MTMR3: variants seen among roughly 807,000 people sequenced by gnomAD.
MTMR3 encodes the protein phosphatidylinositol-3,5-bisphosphate 3-phosphatase MTMR3.
MTMR3 carries 32 observed loss-of-function variants against 132.4 expected under a neutral mutation model. The observed-to-expected ratio is 0.24, with a 90% CI of 0.18 to 0.32. The LOEUF (loss-of-function observed/expected upper bound fraction) is 0.32. MTMR3 is among the 10% of genes least tolerant of loss of function. The pLI, the probability that MTMR3 is intolerant of heterozygous loss-of-function variation, is 1.00. For missense variants in MTMR3, 1,216 were observed against 1,489.6 expected, an observed-to-expected ratio of 0.82 and a Z score of 3.02; for synonymous variants, 556 against 550.3, an observed-to-expected ratio of 1.01 and a Z score of -0.14.
intron 12 of MTMR3, chr22:30,010,955 G>A (rs1333457318): frequency 1.3e-5 from 2 of 152,202 alleles, no homozygotes; most frequent in Non-Finnish European, 2.9e-5. Flanking sequence ...TGGGGGTACA[G>A]TTATGACTGA....
intron 1 of MTMR3, among the ~76,000 whole-genome samples, chr22:29,914,324 T>C (rs2065269395): frequency 6.6e-6 from 1 of 152,220 alleles, no homozygotes; most frequent in Admixed American, 6.5e-5. Flanking sequence ...TACATCATCA[T>C]GGTTTTAGTT....
At chr22:29,928,410 G>C (rs544280294) in intron 1 of MTMR3, among the ~76,000 whole-genome samples, 3 of 151,994 alleles carry the variant, frequency 2.0e-5, no homozygotes, top group Non-Finnish European at 2.9e-5. Flanking sequence ...GACCTCAGGT[G>C]ATCCGCTGGC....
chr22:29,966,081 C>T (rs1377790419), intron 2 of MTMR3, among the ~76,000 whole-genome samples: 1 of 152,162 alleles, frequency 6.6e-6, no homozygotes, highest in East Asian at 1.9e-4. Flanking sequence ...TCTCCATTAA[C>T]TTATCTCACT....
intron 1 of MTMR3, among the ~76,000 whole-genome samples, chr22:29,896,486 C>G (rs1386156141): frequency 1.3e-5 from 2 of 152,136 alleles, no homozygotes; most frequent in Non-Finnish European, 2.9e-5. Context: ...GGCCACTACA[C>G]TCCTCATCTT....
At position 30,020,023 on chromosome 22, in the gene MTMR3, C is replaced by G. The variant is rs779716657; in HGVS notation, c.2364C>G (p.Ser788=). 2 of 1,614,012 alleles carry G rather than the reference C, an allele frequency of 1.2e-6. No individual in the cohort carries two copies. The change falls in exon 17 of 20, where the codon TCC becomes TCG. Residue 788 remains serine (S), a synonymous_variant. Coordinates refer to ENST00000401950, the MANE Select transcript of MTMR3 (RefSeq NM_021090.4). ...AGGTCCCCCCCAGGGGAGAGGATTC[C>G]CTGGAGGTCCCTGTGGAGCAGTTTC... ...SLQVPPRGED[S]LEVPVEQFRI...
intron 1 of MTMR3, among the ~76,000 whole-genome samples, chr22:29,905,036 T>C (rs1410693082): frequency 6.6e-6 from 1 of 152,220 alleles, no homozygotes; most frequent in Non-Finnish European, 1.5e-5. Context: ...TTATGGTTCT[T>C]AGAGCTATTG....
At chr22:29,978,290 T>G in intron 3 of MTMR3, 152 bp from the exon 4 acceptor site, 3 of 524,666 alleles carry the variant, frequency 5.7e-6, no homozygotes, top group Non-Finnish European at 1.0e-5. Flanking sequence ...ATAGAAAAAC[T>G]TTTTAAGATC....
chr22:30,009,213 G>GA (rs553672166), intron 12 of MTMR3, 84 bp downstream of exon 12: 517 of 964,214 alleles, frequency 5.4e-4, no homozygotes, highest in African/African-American at 1.4e-3. Context: ...GGGAAAAAAA[G>GA]AAAAAAAAAT....
chr22:29,983,946 ATTTTAT>A (rs1189288670), intron 5 of MTMR3: 1 of 150,684 alleles, frequency 6.6e-6, no homozygotes, highest in Non-Finnish European at 1.5e-5. Context: ...TTTTTATTTT[ATTTTAT>A]TTTTATTTTA....
At chr22:29,975,859 G>GC (rs1028129279) in intron 3 of MTMR3, among the ~76,000 whole-genome samples, 2 of 152,226 alleles carry the variant, frequency 1.3e-5, no homozygotes, top group East Asian at 1.9e-4. Flanking sequence ...GCCCACTGTA[G>GC]CCCCCCAAAG....
intron 1 of MTMR3, among the ~76,000 whole-genome samples, chr22:29,917,410 T>G (rs1429869856): frequency 6.6e-6 from 1 of 152,166 alleles, no homozygotes. Flanking sequence ...CAGGCTGAGG[T>G]GGGAGTATTG....
chr22:29,888,768 CTTTTTTTTTTT>C lies in MTMR3; in HGVS notation c.-138+5422_-138+5432del, dbSNP rs3049983. 8.3e-3 allele frequency among the ~76,000 whole-genome samples: 850 copies of C among 101,906 alleles called. 6 individuals are homozygous for C. The highest frequency in any genetic ancestry group is 0.03 in the African/African-American group (804 of 26,716). The allele number at this position is 101,906 out of a possible 152,430, so 66.9% of individuals were successfully genotyped here. ...AATCTAATTTCTTTATTAGTTAATA[CTTTTTTTTTTT>C]TTTTTTTTTTTTGAGACAGAGTCTC... is the stretch of plus-strand genomic sequence containing the variant. On this transcript the variant is annotated intron_variant, in intron 1 of 19. Transcript: ENST00000401950.
intron 17 of MTMR3, 73 bp from the exon 18 acceptor site, chr22:30,021,956 T>A: frequency 8.0e-7 from 1 of 1,248,992 alleles, no homozygotes; most frequent in Non-Finnish European, 1.2e-6. Flanking sequence ...AGTTCTCCCT[T>A]CTTCACCAGG....
intron 9 of MTMR3, chr22:30,004,343 GCA>G (rs2067232798): frequency 6.6e-6 from 1 of 152,212 alleles, no homozygotes; most frequent in African/African-American, 2.4e-5. Context: ...AGCAGCCCTG[GCA>G]TCTGTGGGGC....
At chr22:29,885,201 C>T (rs1268921342) in intron 1 of MTMR3, among the ~76,000 whole-genome samples, 2 of 152,120 alleles carry the variant, frequency 1.3e-5, no homozygotes, top group African/African-American at 4.8e-5. Context: ...AGGATAGAGC[C>T]TGGGGATCTG....
At chr22:29,953,083 ATC>A (rs765873107) in intron 1 of MTMR3, among the ~76,000 whole-genome samples, 1 of 152,234 alleles carries the variant, frequency 6.6e-6, no homozygotes, top group Non-Finnish European at 1.5e-5. Context: ...GTGTAAAAAA[ATC>A]TATTTTAACA....
chr22:29,925,580 G>A (rs1256963148), intron 1 of MTMR3, among the ~76,000 whole-genome samples: 5 of 150,294 alleles, frequency 3.3e-5, no homozygotes, highest in Admixed American at 3.3e-4. Context: ...AAACAGCTTT[G>A]TTGAGCTGTA....
At position 29,952,153 on chromosome 22, in the gene MTMR3, T is replaced by G. The variant is rs12167519; in HGVS notation, c.-137-4883T>G. Reference sequence around the variant, plus strand: ...CCATCTACCCGCCTTGAGTAAAGGTTTTTTGATACAAGAAATGATTATAAC... The same window carrying G: ...CCATCTACCCGCCTTGAGTAAAGGTGTTTTGATACAAGAAATGATTATAAC... On this transcript the variant is annotated intron_variant, in intron 1 of 19. Coordinates refer to ENST00000401950, the MANE Select transcript of MTMR3 (RefSeq NM_021090.4). 3.6e-3 allele frequency among the ~76,000 whole-genome samples: 554 copies of G among 152,228 alleles called. 6 individuals carry two copies. Among genetic ancestry groups the G allele is most frequent in the African/African-American group, 0.013 (537 of 41,536 alleles).
intron 2 of MTMR3, among the ~76,000 whole-genome samples, chr22:29,960,837 T>G (rs1227641459): frequency 2.0e-5 from 3 of 152,210 alleles, no homozygotes; most frequent in African/African-American, 7.2e-5. Context: ...ACTCTGAGTT[T>G]AAATGAAAAC....
Sources: gnomAD v4.1 joint callset for allele counts (sites outside exome capture counted in the v4.1 genomes callset) on GRCh38, gnomAD v4.1.1 for gene constraint, MANE v1.5 for transcripts, NCBI Gene and HGNC (gene_info 2026-07-23, HGNC 2026-07-21) for gene names.